Variants in CXADR observed in about 807,000 individuals in gnomAD.
CXADR encodes the protein coxsackievirus and adenovirus receptor.
A neutral mutation model predicts 40.3 loss-of-function variants in CXADR; 20 were observed. That is an observed-to-expected ratio of 0.50 (90% CI 0.35 to 0.72). CXADR has a LOEUF of 0.72. CXADR is among the 30% of genes least tolerant of loss of function. CXADR has a pLI of 0.01. For synonymous variants in CXADR, 150 were observed against 161.3 expected (o/e 0.93, Z 0.53); for missense variants, 332 against 449.1 (o/e 0.74, Z 2.36).
intron 1 of CXADR, among the ~76,000 whole-genome samples, chr21:17,516,449 C>T (rs1333128658): frequency 6.6e-6 from 1 of 152,186 alleles, no homozygotes; most frequent in Non-Finnish European, 1.5e-5. Context: ...ATTGTGAGGA[C>T]ACTAGTTTCT....
downstream of CXADR, among the ~76,000 whole-genome samples, chr21:17,596,267 G>A (rs934560219): frequency 4.6e-5 from 7 of 152,024 alleles, no homozygotes; most frequent in South Asian, 2.1e-4. Context: ...TTTCTTTGAT[G>A]AACAAAAAGA....
downstream of CXADR, chr21:17,594,157 G>C (rs1601076231): frequency 6.2e-7 from 1 of 1,613,224 alleles, no homozygotes; most frequent in East Asian, 2.2e-5. Context: ...TCCAGGAGGA[G>C]GTACCCATGT....
intron 3 of CXADR, among the ~76,000 whole-genome samples, chr21:17,555,514 A>G (rs1038838690): frequency 3.9e-5 from 6 of 152,362 alleles, no homozygotes; most frequent in Admixed American, 2.0e-4. Context: ...GGAAATTAAC[A>G]CTGATACAAT....
chr21:17,551,814 T>G lies in CXADR; in HGVS notation c.276T>G (p.His92Gln), dbSNP rs759918104. The G allele has an allele frequency of 6.2e-7, 1 of 1,613,858 alleles. No individual in the cohort carries two copies. The highest frequency in any genetic ancestry group is 1.1e-5 in the South Asian group (1 of 91,066). Reference sequence around the variant, plus strand: ...ATCCAGATCTGAAAGGCCGAGTACATTTTACGAGTAATGATCTCAAATCTG... The same window carrying G: ...ATCCAGATCTGAAAGGCCGAGTACAGTTTACGAGTAATGATCTCAAATCTG... Reference protein sequence around the residue: ...DYYPDLKGRVHFTSNDLKSGD... With the variant: ...DYYPDLKGRVQFTSNDLKSGD... Residue 92 changes from histidine (H) to glutamine (Q), a missense_variant, in exon 3 of 7, where the codon CAT becomes CAG. His to Gln is a conservative substitution (Grantham distance 24). Transcript: ENST00000284878.
chr21:17,534,132 G>A (rs1292073326), intron 1 of CXADR, among the ~76,000 whole-genome samples: 7 of 101,084 alleles, frequency 6.9e-5, no homozygotes, highest in Non-Finnish European at 1.3e-4. Flanking sequence ...TTTTGAGATG[G>A]AGTCTCGCTC....
the CXADR span, among the ~76,000 whole-genome samples, chr21:17,632,628 G>T: frequency 1.3e-5 from 2 of 152,298 alleles, no homozygotes; most frequent in East Asian, 3.9e-4. Flanking sequence ...AGCACTTTGG[G>T]AGGCCGAGGC....
the CXADR span, among the ~76,000 whole-genome samples, chr21:17,607,584 A>C: frequency 1.3e-4 from 20 of 152,306 alleles, no homozygotes; most frequent in South Asian, 3.3e-3. Context: ...GTACATGAGA[A>C]ATTAGCAAAT....
At chr21:17,573,184 C>T (rs1322644183), downstream of CXADR, among the ~76,000 whole-genome samples, 1 of 150,520 alleles carries the variant, frequency 6.6e-6, no homozygotes, top group African/African-American at 2.5e-5. Context: ...ACCGTGTGTA[C>T]ATTTCCATTT....
chr21:17,556,561 G>C (rs1335254359), intron 3 of CXADR, among the ~76,000 whole-genome samples: 1 of 152,150 alleles, frequency 6.6e-6, no homozygotes, highest in Non-Finnish European at 1.5e-5. Flanking sequence ...TTATTTATTT[G>C]CTGGTAATTT....
Position 17,567,001 on chromosome 21 carries a change from T to G in CXADR, c.*1309T>G, listed in dbSNP as rs2061218272. ...AGATAAGAAGGAGGAGTAAAGGGAC[T>G]ACTCCTCCTTGCCAAATGTGCTAAA... On this transcript the variant is annotated 3_prime_UTR_variant, in exon 7 of 7. Transcript: ENST00000284878. 1 of 977,974 alleles carries G rather than the reference T, an allele frequency of 1.0e-6. No homozygotes were observed. Among genetic ancestry groups the G allele is most frequent in the African/African-American group, 1.8e-5 (1 of 57,076 alleles). The allele number at this position is 977,974 out of a possible 1,614,324, so 60.6% of individuals were successfully genotyped here. A position where few individuals can be genotyped will look rare whatever the true frequency, so the allele number is the denominator to read the frequency against.
intron 1 of CXADR, among the ~76,000 whole-genome samples, chr21:17,524,183 T>C (rs2060567461): frequency 6.6e-6 from 1 of 151,348 alleles, no homozygotes; most frequent in Non-Finnish European, 1.5e-5. Context: ...TGTGAGCCAC[T>C]GTGCCTGGCC....
At chr21:17,525,044 A>C (rs1273619059) in intron 1 of CXADR, among the ~76,000 whole-genome samples, 1 of 152,230 alleles carries the variant, frequency 6.6e-6, no homozygotes, top group South Asian at 2.1e-4. Context: ...AAAGGAAGAT[A>C]GGAAAAGGGA....
At chr21:17,613,038 A>G in the CXADR span, 1 of 151,548 alleles carries the variant, frequency 6.6e-6, no homozygotes, top group Admixed American at 6.6e-5. Context: ...CTTCGCCGCG[A>G]GGCCACCCCC....
chr21:17,585,774 TC>T (rs2061391411), intron 7 of CXADR, among the ~76,000 whole-genome samples: 1 of 152,214 alleles, frequency 6.6e-6, no homozygotes, highest in African/African-American at 2.4e-5. Context: ...CGCCTTGGCC[TC>T]CCAAAGTGCT....
chr21:17,599,105 C>A, the CXADR span: 1,795 of 314,228 alleles, frequency 5.7e-3, 34 homozygotes, highest in East Asian at 0.048. Flanking sequence ...TTTAAAACAT[C>A]AAAAAAAGTC....
At chr21:17,529,477 C>T (rs1026773176) in intron 1 of CXADR, among the ~76,000 whole-genome samples, 12 of 152,118 alleles carry the variant, frequency 7.9e-5, no homozygotes, top group East Asian at 3.9e-4. Context: ...TGTGCCACCA[C>T]GCCCTGCTAA....
the CXADR span, among the ~76,000 whole-genome samples, chr21:17,600,791 G>A: frequency 1.2e-4 from 19 of 152,220 alleles, no homozygotes; most frequent in South Asian, 3.1e-3. Flanking sequence ...CATTCCTATA[G>A]GCCAAATGAA....
intron 4 of CXADR, among the ~76,000 whole-genome samples, chr21:17,559,938 C>T (rs2061091703): frequency 6.6e-6 from 1 of 150,396 alleles, no homozygotes; most frequent in Admixed American, 6.7e-5. Context: ...CTCAGCCTCC[C>T]AAAGTATAGG....
At chr21:17,590,047 T>C (rs1288639276) in intron 7 of CXADR, among the ~76,000 whole-genome samples, 2 of 152,118 alleles carry the variant, frequency 1.3e-5, no homozygotes, top group African/African-American at 4.8e-5. Context: ...GTTTCACCCA[T>C]ATTCCCTATG....
Sources: gnomAD v4.1 joint callset for allele counts (sites outside exome capture counted in the v4.1 genomes callset) on GRCh38, gnomAD v4.1.1 for gene constraint, MANE v1.5 for transcripts, NCBI Gene and HGNC (gene_info 2026-07-23, HGNC 2026-07-21) for gene names.